Variants in PITPNM2 observed in about 807,000 individuals in gnomAD.
PITPNM2 encodes phosphatidylinositol transfer protein membrane associated 2, also known as membrane-associated phosphatidylinositol transfer protein 2.
A neutral mutation model predicts 132.2 loss-of-function variants in PITPNM2; 35 were observed. That is an observed-to-expected ratio of 0.26 (90% CI 0.20 to 0.35). The LOEUF is 0.35. Ranked by LOEUF, PITPNM2 falls within the 10% of genes least tolerant of loss-of-function variation. The probability of loss-of-function intolerance (pLI) is 1.00; values close to 1 mark genes in which losing one functional copy is unlikely to be tolerated. For missense variants in PITPNM2, 1,332 were observed against 1,912.0 expected, an observed-to-expected ratio of 0.70 and a Z score of 5.66; for synonymous variants, 738 against 799.2, an observed-to-expected ratio of 0.92 and a Z score of 1.29.
chr12:123,080,217 T>C (rs138479346), intron 2 of PITPNM2, among the ~76,000 whole-genome samples: 14 of 151,526 alleles, frequency 9.2e-5, no homozygotes, highest in African/African-American at 2.9e-4. Context: ...TTGGCTATTG[T>C]TGTCACATTT....
Position 123,005,242 on chromosome 12 carries a change from C to T in PITPNM2, c.950G>A (p.Gly317Glu). ...SSKSSRSSKR[G>E]ASPSRHSISE... ...TGGCAGGTGGCGCAGGGCCTTACCT[C>T]CCCGCTTGGACGACCGAGACGACTT... The change falls in exon 7 of 26, where the codon GGA becomes GAA. Residue 317 changes from glycine to glutamate, a missense_variant and splice_region_variant. By Grantham distance (98) the Gly-to-Glu change is moderately conservative. This residue lies in a region of PITPNM2 where 710 missense variants were observed against 911.5 expected (regional missense o/e 0.78). Coordinates refer to ENST00000320201, the MANE Select transcript of PITPNM2 (RefSeq NM_020845.3). This position sits in a 1 kb window ranked among gnomAD's most constrained non-coding sequence, Gnocchi z 6.2. 6.2e-7 allele frequency: 1 copy of T among 1,610,782 alleles called. No homozygotes were observed. The highest frequency in any genetic ancestry group is 8.5e-7 in the Non-Finnish European group (1 of 1,177,818).
chr12:123,034,733 T>C, intron 2 of PITPNM2, 48 bp from the exon 3 acceptor site: 1 of 700,504 alleles, frequency 1.4e-6, no homozygotes, highest in Non-Finnish European at 2.5e-6. Flanking sequence ...CTGCAAAGGC[T>C]GGTGAATACC....
At chr12:123,045,151 C>T (rs1414962445) in intron 2 of PITPNM2, among the ~76,000 whole-genome samples, 1 of 152,224 alleles carries the variant, frequency 6.6e-6, no homozygotes, top group Non-Finnish European at 1.5e-5. Flanking sequence ...TGGACCTCCT[C>T]ATTCACCATC....
Position 122,994,161 on chromosome 12 carries a change from C to T in PITPNM2, c.2233+640G>A, listed in dbSNP as rs571852739. 2.0e-5 allele frequency among the ~76,000 whole-genome samples: 3 copies of T among 152,368 alleles called. No homozygotes were observed. The highest frequency in any genetic ancestry group is 7.2e-5 in the African/African-American group (3 of 41,590). Reference sequence around the variant, plus strand: ...AGTGCTGGATTACAGGCGTGAGCCACCGCGCCCGGCCAGCTCTGCATTTTT... The same window carrying T: ...AGTGCTGGATTACAGGCGTGAGCCATCGCGCCCGGCCAGCTCTGCATTTTT... On this transcript the variant is annotated intron_variant, in intron 15 of 25. Coordinates refer to ENST00000320201, the MANE Select transcript of PITPNM2 (RefSeq NM_020845.3). This position sits in a 1 kb window ranked among gnomAD's most constrained non-coding sequence, Gnocchi z 5.4.
chr12:123,068,809 C>T (rs2041532186), intron 2 of PITPNM2, among the ~76,000 whole-genome samples: 1 of 152,216 alleles, frequency 6.6e-6, no homozygotes, highest in Admixed American at 6.5e-5. Context: ...TCCACCACCC[C>T]AACACCATAG....
intron 3 of PITPNM2, among the ~76,000 whole-genome samples, chr12:123,014,658 C>A (rs1416060859): frequency 1.3e-5 from 2 of 152,156 alleles, no homozygotes; most frequent in Non-Finnish European, 2.9e-5. Flanking sequence ...GCTGAGATCA[C>A]GCCTCTGCAC....
In PITPNM2 at chr12:123,077,129, G is replaced by C. The variant is rs1052800922; in HGVS notation, c.-96+33256C>G. On this transcript the variant is annotated intron_variant, in intron 2 of 25. Coordinates refer to ENST00000320201, the MANE Select transcript of PITPNM2 (RefSeq NM_020845.3). The surrounding 1 kb of genome is among the most constrained non-coding windows in gnomAD (Gnocchi z 4.8). ...CACTGGGCAGCAGGCTTGAAATCCTGCCTGACCAAACTGTGCCGAGGGGCT... is the reference window on the plus strand; with the variant it reads ...CACTGGGCAGCAGGCTTGAAATCCTCCCTGACCAAACTGTGCCGAGGGGCT... Among the ~76,000 whole-genome samples, 12 of 152,290 alleles carry C rather than the reference G, an allele frequency of 7.9e-5. No individual in the cohort carries two copies. The highest frequency in any genetic ancestry group is 1.8e-4 in the Non-Finnish European group (12 of 68,024).
chr12:122,996,442 G>A lies in PITPNM2; in HGVS notation c.1782+16C>T, dbSNP rs1192803531. On this transcript the variant is annotated intron_variant, in intron 13 of 25. Coordinates refer to ENST00000320201, the MANE Select transcript of PITPNM2 (RefSeq NM_020845.3). ...GCTTCAGGCCTTGGGGACTGTCTGG[G>A]CCCCCACTTGGGTACCTGCATGCTG... 5 of 1,612,524 alleles carry A rather than the reference G, an allele frequency of 3.1e-6. No homozygotes were observed. The South Asian group carries it at 5.5e-5, about 18-fold the overall frequency.
In PITPNM2 at chr12:122,989,898, G is replaced by A. The variant is rs1315021181; in HGVS notation, c.2620C>T (p.Leu874Phe). ...GTGGGGCTGGGGGCGGGCAGGGCGA[G>A]CAGGGACAGACGCCTGACGCTGGGG... ...HTPSVRRLSLLALPAPSPTTP... is the reference protein window; with the variant it reads ...HTPSVRRLSLFALPAPSPTTP... Residue 874 changes from leucine (L) to phenylalanine (F), a missense_variant, in exon 18 of 26, where the codon CTC becomes TTC. Transcript: ENST00000320201. 8 of 1,330,048 alleles carry A rather than the reference G, an allele frequency of 6.0e-6. No homozygotes were observed. The highest frequency in any genetic ancestry group is 7.7e-6 in the Non-Finnish European group (8 of 1,036,192). 82.4% of individuals were successfully genotyped at this position (1,330,048 alleles called of 1,614,324 possible). A position where few individuals can be genotyped will look rare whatever the true frequency, so the allele number is the denominator to read the frequency against.
rs190010650 is a variant in PITPNM2 at position 123,144,088 on chromosome 12, T to C, written c.-200+6665A>G. 3.2e-4 allele frequency among the ~76,000 whole-genome samples: 49 copies of C among 152,344 alleles called. No individual in the cohort carries two copies. In the East Asian group the frequency reaches 8.3e-3, roughly 26 times the overall value. ...AAATTCATTTTCAAATTTGTGCAAA[T>C]TGGCAAAAAATTTGAGTTGCCTGAT... On this transcript the variant is annotated intron_variant, in intron 1 of 25. Transcript: ENST00000320201.
chr12:123,091,264 C>T (rs993373833), intron 2 of PITPNM2: 5 of 152,270 alleles, frequency 3.3e-5, no homozygotes, highest in African/African-American at 1.2e-4. Flanking sequence ...CGATCTGTGG[C>T]TGCAGGTGCC....
chr12:122,996,444 C>T lies in PITPNM2; in HGVS notation c.1782+14G>A. 6.2e-7 allele frequency: 1 copy of T among 1,612,726 alleles called. No homozygotes were observed. Among genetic ancestry groups the T allele is most frequent in the East Asian group, 2.2e-5 (1 of 44,876 alleles). ...TTCAGGCCTTGGGGACTGTCTGGGC[C>T]CCCACTTGGGTACCTGCATGCTGAC... On this transcript the variant is annotated intron_variant, in intron 13 of 25. Coordinates refer to ENST00000320201, the MANE Select transcript of PITPNM2 (RefSeq NM_020845.3).
At position 123,150,764 on chromosome 12, in the gene PITPNM2, C is replaced by T. The variant is rs1183504116; in HGVS notation, c.-211G>A. Reference sequence around the variant, plus strand: ...CCGGACGCACTCACCCCGCTCGGCGCGGCCGCGGGCTCTGTCCTCTTCGGG... The same window carrying T: ...CCGGACGCACTCACCCCGCTCGGCGTGGCCGCGGGCTCTGTCCTCTTCGGG... On this transcript the variant is annotated 5_prime_UTR_variant, in exon 1 of 26. Transcript: ENST00000320201. This position sits in a 1 kb window ranked among gnomAD's most constrained non-coding sequence, Gnocchi z 6.0. Among the ~76,000 whole-genome samples, 1 of 149,634 alleles carries T rather than the reference C, an allele frequency of 6.7e-6. No homozygotes were observed. Among genetic ancestry groups the T allele is most frequent in the Non-Finnish European group, 1.5e-5 (1 of 67,186 alleles).
At chr12:123,020,797 C>CA (rs1384796597) in intron 3 of PITPNM2, among the ~76,000 whole-genome samples, 1 of 151,732 alleles carries the variant, frequency 6.6e-6, no homozygotes, top group African/African-American at 2.4e-5. Context: ...CTGAGGCAGG[C>CA]AGATCACCTG....
rs1166084795 is a variant in PITPNM2 at position 123,057,151 on chromosome 12, C to T, written c.-95-22466G>A. Among the ~76,000 whole-genome samples, 7 of 152,138 alleles carry T rather than the reference C, an allele frequency of 4.6e-5. No individual in the cohort carries two copies. In the East Asian group the frequency reaches 9.7e-4, roughly 21 times the overall value. On this transcript the variant is annotated intron_variant, in intron 2 of 25. Coordinates refer to ENST00000320201, the MANE Select transcript of PITPNM2 (RefSeq NM_020845.3). ...ATCCCAGCACTTTGAGAGGCCGAGG[C>T]GGGTGGATCACCTGAGGTTGGGAGT...
At chr12:123,003,016 G>C (rs2038764277) in intron 8 of PITPNM2, among the ~76,000 whole-genome samples, 1 of 152,188 alleles carries the variant, frequency 6.6e-6, no homozygotes, top group Non-Finnish European at 1.5e-5. Context: ...TGGGATTACA[G>C]GTGTGAGCCA....
chr12:123,028,014 T>C (rs2039928463), intron 3 of PITPNM2, among the ~76,000 whole-genome samples: 1 of 152,248 alleles, frequency 6.6e-6, no homozygotes, highest in Admixed American at 6.5e-5. Flanking sequence ...GCTGCGGTAC[T>C]GTTTTCAGAG....
chr12:123,143,617 G>T (rs2043551813), intron 1 of PITPNM2, among the ~76,000 whole-genome samples: 1 of 152,206 alleles, frequency 6.6e-6, no homozygotes, highest in South Asian at 2.1e-4. Flanking sequence ...ACCTCCGTAA[G>T]AGGATTATTC....
chr12:123,027,566 G>C (rs1436266664), intron 3 of PITPNM2, among the ~76,000 whole-genome samples: 2 of 152,196 alleles, frequency 1.3e-5, no homozygotes, highest in African/African-American at 4.8e-5. Context: ...GGGATGAATG[G>C]GGATGAGTAC....
Sources: allele counts gnomAD v4.1 joint callset (sites outside exome capture counted in the v4.1 genomes callset), GRCh38; gene constraint gnomAD v4.1.1; regional missense constraint gnomAD v4.1.1; non-coding constraint Gnocchi (gnomAD v3.1); transcripts MANE v1.5; gene names NCBI Gene and HGNC (gene_info 2026-07-23, HGNC 2026-07-21).